C17orf67: variants seen among roughly 807,000 people sequenced by gnomAD.
The protein encoded by C17orf67 is uncharacterized protein C17orf67.
Under a neutral mutation model 11.2 loss-of-function variants are expected in C17orf67, and 12 were observed. The ratio of observed to expected loss-of-function variants is 1.07; its 90% confidence interval spans 0.68 to 1.73. The LOEUF is 1.73. Among genes scored for constraint, C17orf67 ranks in the 40% most tolerant of loss-of-function variants. The pLI, the probability that C17orf67 is intolerant of heterozygous loss-of-function variation, is 0.00. For synonymous variants in C17orf67, 59 were observed against 46.9 expected, an observed-to-expected ratio of 1.26 and a Z score of -1.05; for missense variants, 115 against 113.5, an observed-to-expected ratio of 1.01 and a Z score of -0.06.
chr17:56,821,225 C>T (rs1905897408), intron 4 of C17orf67, among the ~76,000 whole-genome samples: 1 of 151,950 alleles, frequency 6.6e-6, no homozygotes, highest in Non-Finnish European at 1.5e-5. Flanking sequence ...CAAATCTGTC[C>T]CCATCAAGAG....
At chr17:56,796,895 C>T (rs1053999468) in intron 6 of C17orf67, among the ~76,000 whole-genome samples, 1 of 150,536 alleles carries the variant, frequency 6.6e-6, no homozygotes, top group East Asian at 2.0e-4. Flanking sequence ...CCAGGGCCAC[C>T]TTCCTCCTCG....
chr17:56,794,718 A>G (rs1905176423), intron 7 of C17orf67, among the ~76,000 whole-genome samples: 1 of 152,212 alleles, frequency 6.6e-6, no homozygotes, highest in African/African-American at 2.4e-5. Context: ...CCACCTGAAG[A>G]GACCCAAGTC....
chr17:56,832,386 TCTTA>T (rs1473462193), intron 2 of C17orf67, among the ~76,000 whole-genome samples: 2 of 152,208 alleles, frequency 1.3e-5, no homozygotes, highest in East Asian at 3.8e-4. Flanking sequence ...GATGTCCCTT[TCTTA>T]AAGAGTTAAC....
chr17:56,794,422 T>A (rs1413208487), intron 7 of C17orf67, among the ~76,000 whole-genome samples: 1 of 151,674 alleles, frequency 6.6e-6, no homozygotes, highest in Non-Finnish European at 1.5e-5. Context: ...GGGAAGATGA[T>A]GAGGACAGAC....
rs1685910670 is a variant in C17orf67, at chr17:56,795,146, CG to C, written c.190del (p.Arg64AlafsTer11). ...GTGCTCCAGGAACTGCTCCTCAGCGCGATGCTCCAGGGCGAGCAGGTGGTGC... is the reference window on the plus strand; with the variant it reads ...GTGCTCCAGGAACTGCTCCTCAGCGCATGCTCCAGGGCGAGCAGGTGGTGC... Reference protein sequence around the residue: ...YMHHLLALEHRAEEQFLEHWL... With the variant: ...YMHHLLALEHXAEEQFLEHWL... On this transcript the variant is annotated frameshift_variant, in exon 7 of 8. Transcript: ENST00000397861. LOFTEE classifies it high-confidence loss of function. 1 of 1,614,010 alleles carries C rather than the reference CG, an allele frequency of 6.2e-7. No homozygotes were observed.
At chr17:56,798,094 G>T (rs1419071837) in intron 6 of C17orf67, among the ~76,000 whole-genome samples, 1 of 152,070 alleles carries the variant, frequency 6.6e-6, no homozygotes. Context: ...TGCTAGTTAA[G>T]CAAGAAGCTT....
chr17:56,830,756 T>A (rs868582563), intron 2 of C17orf67, among the ~76,000 whole-genome samples: 1 of 152,236 alleles, frequency 6.6e-6, no homozygotes, highest in Non-Finnish European at 1.5e-5. Flanking sequence ...TAGATAACTG[T>A]AAATTATTTA....
At chr17:56,795,501 G>C (rs769240685) in intron 6 of C17orf67, among the ~76,000 whole-genome samples, 1 of 152,162 alleles carries the variant, frequency 6.6e-6, no homozygotes, top group Non-Finnish European at 1.5e-5. Flanking sequence ...CGCAGTGGAC[G>C]TCAAACTTTA....
At chr17:56,802,808 C>G (rs1351504996) in intron 6 of C17orf67, among the ~76,000 whole-genome samples, 1 of 152,268 alleles carries the variant, frequency 6.6e-6, no homozygotes, top group African/African-American at 2.4e-5. Context: ...GAAAAGACTA[C>G]AGCATCATTC....
chr17:56,810,707 G>A lies in C17orf67; in HGVS notation c.156+4162C>T, dbSNP rs995219918. Among the ~76,000 whole-genome samples, 16 of 152,362 alleles carry A rather than the reference G, an allele frequency of 1.1e-4. No individual in the cohort carries two copies. The East Asian group carries it at 1.3e-3, about 13-fold the overall frequency. ...TCCCAGGCTATGAAGATGTGGGCCCGTATGGCAGCTCTAATGCCAGCCTCT... is the reference window on the plus strand; with the variant it reads ...TCCCAGGCTATGAAGATGTGGGCCCATATGGCAGCTCTAATGCCAGCCTCT... On this transcript the variant is annotated intron_variant, in intron 6 of 7. Transcript: ENST00000397861.
chr17:56,831,206 AG>A (rs1329740099), intron 2 of C17orf67, among the ~76,000 whole-genome samples: 3 of 151,792 alleles, frequency 2.0e-5, no homozygotes, highest in African/African-American at 4.8e-5. Flanking sequence ...GGAGTAGTGG[AG>A]GGGGGGATGG....
rs75429360 is a variant in C17orf67 at position 56,801,795 on chromosome 17, G to A, written c.157-6615C>T. Among the ~76,000 whole-genome samples the A allele has an allele frequency of 3.0e-4, 45 of 152,302 alleles. 2 individuals are homozygous for A. The East Asian group carries it at 8.5e-3, about 29-fold the overall frequency. On this transcript the variant is annotated intron_variant, in intron 6 of 7. Coordinates refer to ENST00000397861, the MANE Select transcript of C17orf67 (RefSeq NM_001085430.4). ...AGTAATTGGGAGGAACAGGAAGGCC[G>A]TGTGCAGTCTTGTAAATAAGGAACA...
At chr17:56,794,924 C>T (rs1474807480) in intron 7 of C17orf67, 120 bp downstream of exon 7, 3 of 670,776 alleles carry the variant, frequency 4.5e-6, no homozygotes, top group Admixed American at 4.9e-5. Context: ...CCATTCCAAA[C>T]CCATAACCAG....
intron 2 of C17orf67, among the ~76,000 whole-genome samples, chr17:56,830,936 G>C (rs1906183366): frequency 6.6e-6 from 1 of 152,226 alleles, no homozygotes; most frequent in South Asian, 2.1e-4. Context: ...ACTGACAATA[G>C]CCCTGAAGGG....
chr17:56,803,289 A>G (rs1368649801), intron 6 of C17orf67, among the ~76,000 whole-genome samples: 2 of 152,252 alleles, frequency 1.3e-5, no homozygotes, highest in South Asian at 2.1e-4. Flanking sequence ...AACAATTTAC[A>G]GTATTTATTA....
At chr17:56,821,394 GTAGAC>G (rs776533044) in intron 4 of C17orf67, among the ~76,000 whole-genome samples, 2 of 152,026 alleles carry the variant, frequency 1.3e-5, no homozygotes, top group Non-Finnish European at 2.9e-5. Flanking sequence ...AGTATAGTTG[GTAGAC>G]TAGACTACAG....
chr17:56,821,329 C>A (rs530691373), intron 4 of C17orf67, among the ~76,000 whole-genome samples: 1 of 152,186 alleles, frequency 6.6e-6, no homozygotes, highest in Admixed American at 6.5e-5. Context: ...TTACTGTCTA[C>A]CTCACATGTA....
chr17:56,829,296 A>C (rs1168264799), intron 2 of C17orf67, among the ~76,000 whole-genome samples: 1 of 152,306 alleles, frequency 6.6e-6, no homozygotes, highest in East Asian at 1.9e-4. Flanking sequence ...AAATAAAATA[A>C]AAATCACATC....
intron 6 of C17orf67, among the ~76,000 whole-genome samples, chr17:56,807,903 T>TA (rs922304093): frequency 3.5e-5 from 5 of 144,424 alleles, no homozygotes; most frequent in African/African-American, 5.1e-5. Flanking sequence ...AATAAATAAA[T>TA]AATAAATAAA....
Sources: gnomAD v4.1 joint callset for allele counts (sites outside exome capture counted in the v4.1 genomes callset) on GRCh38, gnomAD v4.1.1 for gene constraint, MANE v1.5 for transcripts, NCBI Gene and HGNC (gene_info 2026-07-23, HGNC 2026-07-21) for gene names.